The following TNR variants were observed in gnomAD, a reference collection of about 807,000 sequenced individuals.
The protein encoded by TNR is tenascin R.
Under a neutral mutation model 150.4 loss-of-function variants are expected in TNR, and 45 were observed. That is an observed-to-expected ratio of 0.30 (90% CI 0.24 to 0.38). The LOEUF is 0.38. TNR is among the 10% of genes least tolerant of loss of function. The pLI, the probability that TNR is intolerant of heterozygous loss-of-function variation, is 1.00. For missense variants in TNR, 1,544 were observed against 1,759.1 expected (o/e 0.88, Z 2.19); for synonymous variants, 687 against 678.4 (o/e 1.01, Z -0.20).
At chr1:175,508,339 T>C (rs1403470553) in intron 2 of TNR, among the ~76,000 whole-genome samples, 3 of 152,216 alleles carry the variant, frequency 2.0e-5, no homozygotes, top group Non-Finnish European at 2.9e-5. Flanking sequence ...TACAGCCCTG[T>C]TGGTTGCTGT....
Position 175,386,153 on chromosome 1 carries a change from C to T in TNR, c.1656G>A (p.Leu552=). The change falls in exon 8 of 23, where the codon CTG becomes CTA. Residue 552 remains leucine (L), a synonymous_variant. Transcript: ENST00000367674. The stretch of plus-strand genomic sequence containing the variant: ...CTGAGTATTGGCTCAGGGGAGGCTG[C>T]AGCCGGAAGGTGGTCCTCCCACCTT... The part of the protein sequence containing the change: ...GGEGGRTTFR[L]QPPLSQYSVQ... 1.9e-6 allele frequency: 3 copies of T among 1,612,996 alleles called. No individual in the cohort carries two copies. The highest frequency in any genetic ancestry group is 2.5e-6 in the Non-Finnish European group (3 of 1,179,156).
intron 1 of TNR, among the ~76,000 whole-genome samples, chr1:175,730,793 T>A (rs914967972): frequency 1.3e-5 from 2 of 152,168 alleles, no homozygotes; most frequent in Non-Finnish European, 2.9e-5. Context: ...AGAGCTATTT[T>A]AGATAAGAGT....
chr1:175,700,970 C>T (rs137944886), intron 1 of TNR, among the ~76,000 whole-genome samples: 53 of 152,332 alleles, frequency 3.5e-4, no homozygotes, highest in African/African-American at 1.3e-3. Flanking sequence ...CATCTTCAGC[C>T]CCTGCCAGTT....
At chr1:175,621,751 C>T (rs1571685534) in intron 1 of TNR, among the ~76,000 whole-genome samples, 2 of 152,216 alleles carry the variant, frequency 1.3e-5, no homozygotes, top group South Asian at 2.1e-4. Flanking sequence ...ATATCCCATC[C>T]ATCTTATACC....
chr1:175,406,088 G>T, intron 3 of TNR, 128 bp downstream of exon 3: 1 of 1,278,366 alleles, frequency 7.8e-7, no homozygotes, highest in Non-Finnish European at 1.1e-6. Flanking sequence ...ACCGTGTGAA[G>T]AGATGCCGGG....
chr1:175,336,395 A>G (rs529895716), intron 19 of TNR, among the ~76,000 whole-genome samples: 1 of 152,372 alleles, frequency 6.6e-6, no homozygotes, highest in Admixed American at 6.5e-5. Context: ...GTCTCCCAAG[A>G]GTAGCTGTTA....
intron 1 of TNR, among the ~76,000 whole-genome samples, chr1:175,661,842 A>C (rs938313709): frequency 1.7e-5 from 2 of 120,882 alleles, no homozygotes; most frequent in Admixed American, 1.1e-4. Context: ...TTCTTCCCAA[A>C]CTGTGTCTCT....
chr1:175,566,968 C>T (rs551205673), intron 1 of TNR, among the ~76,000 whole-genome samples: 2 of 152,194 alleles, frequency 1.3e-5, no homozygotes, highest in Non-Finnish European at 2.9e-5. Context: ...TCTTGTGTGC[C>T]ATTAGCCCCC....
intron 2 of TNR, among the ~76,000 whole-genome samples, chr1:175,418,561 A>G (rs1396405579): frequency 1.3e-5 from 2 of 152,206 alleles, no homozygotes; most frequent in Non-Finnish European, 2.9e-5. Flanking sequence ...ACCTCTACTA[A>G]GAATACAAAA....
intron 2 of TNR, among the ~76,000 whole-genome samples, chr1:175,447,041 G>A (rs1656087416): frequency 6.6e-6 from 1 of 152,220 alleles, no homozygotes; most frequent in Non-Finnish European, 1.5e-5. Flanking sequence ...GCATGTGCAT[G>A]TGTGTTTGCG....
rs138748492 is a variant in TNR, at chr1:175,355,367, A to T, written c.3249+136T>A. The T allele has an allele frequency of 4.1e-3, 4,867 of 1,197,620 alleles. 26 individuals are homozygous for T. The highest frequency in any genetic ancestry group is 0.011 in the South Asian group (752 of 66,152). 74.2% of individuals were successfully genotyped at this position (1,197,620 alleles called of 1,614,324 possible). ...ATCAACAGCAGGCTGGGTATCCTTG[A>T]TGGGAAGCTGATGAGCAATCCTTGT... On this transcript the variant is annotated intron_variant, in intron 17 of 22. Transcript: ENST00000367674.
At chr1:175,381,489 G>C (rs1422160028) in intron 8 of TNR, among the ~76,000 whole-genome samples, 1 of 152,198 alleles carries the variant, frequency 6.6e-6, no homozygotes, top group African/African-American at 2.4e-5. Context: ...CAATGTCAAT[G>C]ATCCTGAAAG....
chr1:175,448,538 T>C (rs1020943361), intron 2 of TNR, among the ~76,000 whole-genome samples: 1 of 152,210 alleles, frequency 6.6e-6, no homozygotes, highest in African/African-American at 2.4e-5. Flanking sequence ...CTTCCCAGTC[T>C]GGTGGTCAGC....
In TNR at chr1:175,316,151, C is replaced by T. The variant is rs6662518; in HGVS notation, c.*7206G>A. 16,758 of 152,186 alleles carry T rather than the reference C, an allele frequency of 0.11. 1,149 individuals are homozygous for T. The highest frequency in any genetic ancestry group is 0.15 in the Non-Finnish European group (9,873 of 68,008). The allele number at this position is 152,186 out of a possible 1,614,324, so 9.4% of individuals were successfully genotyped here. ...AGGGGTTTATGTCTGGAGTTTTGGC[C>T]TGGCAGCTAAAAATACCAGGTTGCC... On this transcript the variant is annotated 3_prime_UTR_variant, in exon 23 of 23. Coordinates refer to ENST00000367674, the MANE Select transcript of TNR (RefSeq NM_003285.3).
intron 1 of TNR, among the ~76,000 whole-genome samples, chr1:175,740,893 G>A (rs1055353384): frequency 1.3e-5 from 2 of 152,138 alleles, no homozygotes; most frequent in African/African-American, 4.8e-5. Flanking sequence ...CCCCAGATAG[G>A]GTGGCTTCAG....
intron 1 of TNR, among the ~76,000 whole-genome samples, chr1:175,607,122 C>T (rs542105324): frequency 6.6e-6 from 1 of 152,236 alleles, no homozygotes; most frequent in South Asian, 2.1e-4. Flanking sequence ...ATCCATCTAT[C>T]CCATTTCTTT....
At chr1:175,488,278 G>A (rs1462334782) in intron 2 of TNR, among the ~76,000 whole-genome samples, 1 of 152,238 alleles carries the variant, frequency 6.6e-6, no homozygotes, top group Admixed American at 6.5e-5. Context: ...GCAGAACAAA[G>A]AAGTTTTTAT....
chr1:175,675,995 GA>G (rs1437082411), intron 1 of TNR, among the ~76,000 whole-genome samples: 1 of 152,124 alleles, frequency 6.6e-6, no homozygotes, highest in Non-Finnish European at 1.5e-5. Context: ...GTGGTGGGGG[GA>G]AATATTAATC....
chr1:175,610,435 A>G (rs1036162806), intron 1 of TNR, among the ~76,000 whole-genome samples: 5 of 152,226 alleles, frequency 3.3e-5, no homozygotes, highest in African/African-American at 1.2e-4. Context: ...GGCCAATTGA[A>G]ACAAAAATGC....
Sources: gnomAD v4.1 joint callset for allele counts (sites outside exome capture counted in the v4.1 genomes callset) on GRCh38, gnomAD v4.1.1 for gene constraint, MANE v1.5 for transcripts, NCBI Gene and HGNC (gene_info 2026-07-23, HGNC 2026-07-21) for gene names.